HOMER2: variants seen among roughly 807,000 people sequenced by gnomAD.
HOMER2 encodes homer scaffold protein 2, also known as homer protein homolog 2.
Under a neutral mutation model 47.0 loss-of-function variants are expected in HOMER2, and 27 were observed. That is an observed-to-expected ratio of 0.57 (90% CI 0.42 to 0.79). The LOEUF (loss-of-function observed/expected upper bound fraction) is 0.79. HOMER2 is among the 30% of genes least tolerant of loss of function. HOMER2 has a pLI of 0.00. For missense variants in HOMER2, 443 were observed against 435.0 expected (o/e 1.02, Z -0.16); for synonymous variants, 161 against 163.8 (o/e 0.98, Z 0.13).
intron 1 of HOMER2, among the ~76,000 whole-genome samples, chr15:82,894,576 C>T (rs1256854302): frequency 2.0e-5 from 3 of 148,126 alleles, no homozygotes; most frequent in African/African-American, 5.0e-5. Flanking sequence ...GAGGCTGAGG[C>T]AGAAGAATGG....
chr15:82,836,994 G>A (rs1314410515), exon 2 of HOMER2: 1 of 152,270 alleles, frequency 6.6e-6, no homozygotes, highest in Non-Finnish European at 1.5e-5. Flanking sequence ...TCAGAAGTCT[G>A]ACATGGGTCT....
chr15:82,945,763 G>A (rs966007907), intron 1 of HOMER2, among the ~76,000 whole-genome samples: 11 of 152,114 alleles, frequency 7.2e-5, no homozygotes, highest in African/African-American at 2.4e-4. Flanking sequence ...GAGGTCAGGA[G>A]ATCGAGACCA....
chr15:82,965,211 G>A (rs889157395), intron 1 of HOMER2, among the ~76,000 whole-genome samples: 1 of 152,006 alleles, frequency 6.6e-6, no homozygotes, highest in Non-Finnish European at 1.5e-5. Flanking sequence ...TAGAGACGAG[G>A]TCTCACTATG....
chr15:82,962,837 A>C (rs1036994988), intron 1 of HOMER2, among the ~76,000 whole-genome samples: 2 of 152,230 alleles, frequency 1.3e-5, no homozygotes, highest in African/African-American at 4.8e-5. Flanking sequence ...AACCACTTCT[A>C]AACTACTTTT....
chr15:82,872,010 G>A (rs1236479528), intron 3 of HOMER2, among the ~76,000 whole-genome samples: 1 of 152,200 alleles, frequency 6.6e-6, no homozygotes, highest in Non-Finnish European at 1.5e-5. Context: ...GGAGGGAACA[G>A]GAGCACATGA....
chr15:82,856,903 G>C (rs899518706), intron 5 of HOMER2, among the ~76,000 whole-genome samples: 1 of 152,170 alleles, frequency 6.6e-6, no homozygotes, highest in East Asian at 1.9e-4. Context: ...AGCCTTGAGT[G>C]GAACACGGGC....
chr15:82,847,305 A>C (rs1199645357), downstream of HOMER2: 1 of 152,284 alleles, frequency 6.6e-6, no homozygotes, highest in Non-Finnish European at 1.5e-5. Flanking sequence ...AAGCAGAAGG[A>C]ATGGAAAGTT....
exon 2 of HOMER2, chr15:82,843,006 C>T (rs1868866023): frequency 6.6e-6 from 1 of 152,214 alleles, no homozygotes; most frequent in Non-Finnish European, 1.5e-5. Flanking sequence ...AGTGATCCTT[C>T]CACCTTGGCG....
At chr15:82,852,021 T>C (rs1032622966) in intron 7 of HOMER2, 121 bp downstream of exon 7, 2 of 656,838 alleles carry the variant, frequency 3.0e-6, no homozygotes, top group Non-Finnish European at 5.3e-6. Flanking sequence ...CCCAGCTCTC[T>C]CTCCGTGCTG....
At chr15:82,838,625 T>A (rs17358518) in exon 2 of HOMER2, 4 of 152,174 alleles carry the variant, frequency 2.6e-5, no homozygotes, top group Non-Finnish European at 5.9e-5. Context: ...GATGGAGGCA[T>A]GAGGTATCCA....
At chr15:82,952,891 G>T (rs1294099536), upstream of HOMER2, among the ~76,000 whole-genome samples, 1 of 151,852 alleles carries the variant, frequency 6.6e-6, no homozygotes, top group Admixed American at 6.6e-5. Flanking sequence ...CCGCGCAGTC[G>T]CCGCTTTTCT....
chr15:82,878,716 C>T (rs1056683508), intron 2 of HOMER2, among the ~76,000 whole-genome samples: 1 of 152,196 alleles, frequency 6.6e-6, no homozygotes, highest in Non-Finnish European at 1.5e-5. Flanking sequence ...CAGCCTCGAC[C>T]TCCTGGGCTA....
intron 1 of HOMER2, among the ~76,000 whole-genome samples, chr15:82,984,102 T>G (rs985827732): frequency 4.0e-5 from 6 of 151,068 alleles, no homozygotes; most frequent in Admixed American, 4.0e-4. Flanking sequence ...GCGCAATCTC[T>G]GCTCACTGCA....
At chr15:82,909,971 C>G (rs1596345332) in intron 1 of HOMER2, among the ~76,000 whole-genome samples, 1 of 151,672 alleles carries the variant, frequency 6.6e-6, no homozygotes, top group East Asian at 1.9e-4. Flanking sequence ...CCCGTCTCTA[C>G]TAAAAATACA....
chr15:82,871,068 T>G (rs2052160691), intron 3 of HOMER2, among the ~76,000 whole-genome samples: 1 of 152,256 alleles, frequency 6.6e-6, no homozygotes, highest in Non-Finnish European at 1.5e-5. Context: ...GCCTTTTCAA[T>G]TTCCTTCAGT....
In HOMER2 at chr15:82,854,499, C is replaced by T. The variant is rs1040730106; in HGVS notation, c.651+145G>A. The T allele has an allele frequency of 3.1e-5, 22 of 717,332 alleles. 1 individual carries two copies. The highest frequency in any genetic ancestry group is 2.5e-4 in the South Asian group (12 of 48,242). The allele number at this position is 717,332 out of a possible 1,614,324, so 44.4% of individuals were successfully genotyped here. On this transcript the variant is annotated intron_variant, in intron 6 of 8. Transcript: ENST00000450735. ...TAAGAAAGGCAGGGAGGGGGAGGGA[C>T]GTTCCCATGGGAGAGGCAGCAAGTC...
chr15:82,852,001 T>A, intron 7 of HOMER2, 141 bp downstream of exon 7: 2 of 622,972 alleles, frequency 3.2e-6, no homozygotes, highest in Non-Finnish European at 2.8e-6. Flanking sequence ...GTCTGCACCT[T>A]GCTGTGGCTC....
intron 6 of HOMER2, chr15:82,852,907 C>G (rs906454444): frequency 6.6e-6 from 1 of 152,448 alleles, no homozygotes; most frequent in Non-Finnish European, 1.5e-5. Context: ...AAAACAGTTA[C>G]CTGTGTGGAA....
At chr15:82,980,319 G>A (rs898408277) in intron 1 of HOMER2, among the ~76,000 whole-genome samples, 3 of 152,016 alleles carry the variant, frequency 2.0e-5, no homozygotes, top group African/African-American at 7.2e-5. Context: ...AGTCACCCCA[G>A]GGCCAGGTAC....
Sources: gnomAD v4.1 joint callset for allele counts (sites outside exome capture counted in the v4.1 genomes callset) on GRCh38, gnomAD v4.1.1 for gene constraint, MANE v1.5 for transcripts, NCBI Gene and HGNC (gene_info 2026-07-23, HGNC 2026-07-21) for gene names.